RAB37: variants seen among roughly 807,000 people sequenced by gnomAD.
RAB37 encodes the protein ras-related protein Rab-37.
A neutral mutation model predicts 33.1 loss-of-function variants in RAB37; 29 were observed. The ratio of observed to expected loss-of-function variants is 0.88; its 90% CI spans 0.65 to 1.20. RAB37 has a LOEUF of 1.20. Among genes scored for constraint, RAB37 ranks in the 50% most tolerant of loss-of-function variants. The pLI, the probability that RAB37 is intolerant of heterozygous loss-of-function variation, is 0.00. For synonymous variants in RAB37, 128 were observed against 119.5 expected (o/e 1.07, Z -0.47); for missense variants, 299 against 301.1 (o/e 0.99, Z 0.05).
At position 74,684,899 on chromosome 17, in the gene RAB37, A is replaced by ATC. The variant is rs1567775529; in HGVS notation, c.72+13241_72+13242insTC. On this transcript the variant is annotated intron_variant, in intron 1 of 7. Coordinates refer to the RAB37 transcript ENST00000340415. The stretch of plus-strand genomic sequence containing the variant: ...TAGATAGATAGATAGATAGATAGAT[A>ATC]GATCCATCATAGGAATTTTGTTATA... Among the ~76,000 whole-genome samples, 3 of 148,092 alleles carry ATC rather than the reference A, an allele frequency of 2.0e-5. No individual in the cohort carries two copies. The East Asian group carries it at 5.9e-4, about 29-fold the overall frequency.
Position 74,729,216 on chromosome 17 carries a change from A to T in RAB37, c.73-40A>T. ...AAGGACACCTCTGAGGCCAACTCAC[A>T]TCACAGGCCCTCAGCTCTCTCTCTA... On this transcript the variant is annotated intron_variant, in intron 1 of 7. Transcript: ENST00000340415. This position sits in a 1 kb window ranked among gnomAD's most constrained non-coding sequence, Gnocchi z 4.2. 1.3e-6 allele frequency: 2 copies of T among 1,500,506 alleles called. No individual in the cohort carries two copies. The highest frequency in any genetic ancestry group is 2.2e-5 in the South Asian group (2 of 88,898). The allele number at this position is 1,500,506 out of a possible 1,614,324, so 92.9% of individuals were successfully genotyped here.
intron 1 of RAB37, 85 bp from the exon 2 acceptor site, chr17:74,740,683 T>C (rs974611626): frequency 7.1e-6 from 7 of 983,714 alleles, no homozygotes; most frequent in African/African-American, 3.2e-5. Flanking sequence ...CCCCCTCTTC[T>C]CTGATCCTCT....
At chr17:74,712,361 C>G (rs1039422389) in intron 1 of RAB37, among the ~76,000 whole-genome samples, 3 of 152,154 alleles carry the variant, frequency 2.0e-5, no homozygotes, top group Non-Finnish European at 4.4e-5. Context: ...TCCTTCTGCC[C>G]CAAATGCCTA....
intron 1 of RAB37, chr17:74,705,187 T>G (rs775872489): frequency 3.9e-4 from 274 of 697,510 alleles, no homozygotes; most frequent in Non-Finnish European, 5.6e-4. Flanking sequence ...AGGAGACCCC[T>G]TTCCACAGGG....
In RAB37 at chr17:74,740,841, C is replaced by G; in HGVS notation, c.167C>G (p.Ser56Cys). 2 of 1,614,090 alleles carry G rather than the reference C, an allele frequency of 1.2e-6. No individual in the cohort carries two copies. The highest frequency in any genetic ancestry group is 1.7e-6 in the Non-Finnish European group (2 of 1,179,954). Residue 56 changes from serine to cysteine, a missense_variant, in exon 2 of 9, where the codon TCC becomes TGC. By Grantham distance (112) the Ser-to-Cys change is moderately radical (BLOSUM62 -1). Transcript: ENST00000392613. Reference protein sequence around the residue: ...LIQFKDGAFLSGTFIATVGID... With the variant: ...LIQFKDGAFLCGTFIATVGID... ...CAATTCAAAGACGGGGCCTTCCTGT[C>G]CGGAACCTTCATAGCCACCGTCGGC...
chr17:74,671,688 C>A lies in RAB37; in HGVS notation c.72+30C>A. On this transcript the variant is annotated intron_variant, in intron 1 of 7. Coordinates refer to the RAB37 transcript ENST00000340415. The surrounding 1 kb of genome is among the most constrained non-coding windows in gnomAD (Gnocchi z 5.0). ...ACATCTCCTGTATTCCTCAACCTAA[C>A]GTTGGAAGAGGCGCCAGCACCAGGA... 6.2e-7 allele frequency: 1 copy of A among 1,605,866 alleles called. No individual in the cohort carries two copies. Among genetic ancestry groups the A allele is most frequent in the Non-Finnish European group, 8.5e-7 (1 of 1,172,538 alleles).
intron 1 of RAB37, chr17:74,696,111 T>C (rs1161190795): frequency 6.6e-7 from 1 of 1,511,958 alleles, no homozygotes; most frequent in Non-Finnish European, 8.9e-7. Context: ...TTCTCTGATA[T>C]TTTGGACCTT....
upstream of RAB37, among the ~76,000 whole-genome samples, chr17:74,735,184 GAGGA>G (rs1180837564): frequency 1.0e-4 from 14 of 137,492 alleles, no homozygotes; most frequent in South Asian, 2.6e-4. Flanking sequence ...GGGAGGGAGG[GAGGA>G]AGGAAGGAAG....
At chr17:74,737,246 G>A (rs773103960), upstream of RAB37, 6 of 1,546,072 alleles carry the variant, frequency 3.9e-6, 1 homozygote, top group South Asian at 5.9e-5. Context: ...CCTGCGGGCC[G>A]GCACTGCTCA....
At chr17:74,737,145 A>G, upstream of RAB37, 1 of 1,561,730 alleles carries the variant, frequency 6.4e-7, no homozygotes, top group Non-Finnish European at 8.7e-7. Context: ...CGAGGGGGCG[A>G]CGGGACGGAG....
intron 1 of RAB37, among the ~76,000 whole-genome samples, chr17:74,709,428 C>T (rs1323219070): frequency 6.6e-6 from 1 of 152,178 alleles, no homozygotes; most frequent in Non-Finnish European, 1.5e-5. Flanking sequence ...GCAAGCACCA[C>T]ACTTAGTGCG....
intron 2 of RAB37, among the ~76,000 whole-genome samples, chr17:74,731,974 C>G (rs959421556): frequency 6.6e-6 from 1 of 151,756 alleles, no homozygotes; most frequent in Admixed American, 6.6e-5. Context: ...CATGCCATTG[C>G]GCTACAGCCT....
intron 1 of RAB37, among the ~76,000 whole-genome samples, chr17:74,715,638 C>T (rs1456345274): frequency 2.6e-5 from 4 of 152,190 alleles, no homozygotes; most frequent in African/African-American, 9.7e-5. Context: ...AAGGAGGGAA[C>T]AGCACTGTCT....
chr17:74,738,371 C>T lies in RAB37; in HGVS notation c.93+1006C>T, dbSNP rs948365160. Among the ~76,000 whole-genome samples, 1 of 152,166 alleles carries T rather than the reference C, an allele frequency of 6.6e-6. No homozygotes were observed. The highest frequency in any genetic ancestry group is 6.5e-5 in the Admixed American group (1 of 15,276). Reference sequence around the variant, plus strand: ...CGCCCAGAGCCGTTGAGATAGGCGTCCTGTGTGGGCTTGTGGCAGGAAATG... The same window carrying T: ...CGCCCAGAGCCGTTGAGATAGGCGTTCTGTGTGGGCTTGTGGCAGGAAATG... On this transcript the variant is annotated intron_variant, in intron 1 of 8. Transcript: ENST00000392613. The surrounding 1 kb of genome is among the most constrained non-coding windows in gnomAD (Gnocchi z 5.0).
At position 74,700,746 on chromosome 17, in the gene RAB37, C is replaced by T. The variant is rs1327808701; in HGVS notation, c.73-28510C>T. ...CAGCATGGGTGACAGAGCAACACTC[C>T]GTCTCAAAACAAACAAACAACAAAA... On this transcript the variant is annotated intron_variant, in intron 1 of 7. Coordinates refer to the RAB37 transcript ENST00000340415. Among the ~76,000 whole-genome samples, 8 of 152,170 alleles carry T rather than the reference C, an allele frequency of 5.3e-5. No individual in the cohort carries two copies. The South Asian group carries it at 6.2e-4, about 12-fold the overall frequency.
chr17:74,702,997 G>T, intron 1 of RAB37: 2 of 1,529,230 alleles, frequency 1.3e-6, no homozygotes, highest in South Asian at 1.1e-5. Context: ...GGAGGAGTTT[G>T]GGCCAAGTAG....
chr17:74,671,412 C>T lies in RAB37; in HGVS notation c.-175C>T, dbSNP rs1298116705. On this transcript the variant is annotated 5_prime_UTR_variant, in exon 1 of 8. Transcript: ENST00000340415. The surrounding 1 kb of genome is among the most constrained non-coding windows in gnomAD (Gnocchi z 5.0). ...TCCTGGAAGAACGTGGCCGCCTGCC[C>T]GCCTGGTACCGCGCCGCGGCCGCTG... The T allele has an allele frequency of 8.2e-6, 5 of 612,290 alleles. No homozygotes were observed. The highest frequency in any genetic ancestry group is 2.9e-5 in the Admixed American group (1 of 33,926). 37.9% of individuals were successfully genotyped at this position (612,290 alleles called of 1,614,324 possible).
intron 1 of RAB37, among the ~76,000 whole-genome samples, chr17:74,717,218 G>A (rs1598301765): frequency 6.6e-6 from 1 of 152,170 alleles, no homozygotes. Flanking sequence ...TATTAAGCAG[G>A]TAACTGATAC....
At position 74,671,603 on chromosome 17, in the gene RAB37, C is replaced by T. The variant is rs1408822726; in HGVS notation, c.17C>T (p.Pro6Leu). The change falls in exon 1 of 8, where the codon CCC (proline) becomes CTC (leucine). Residue 6 changes from proline (P) to leucine (L), a missense_variant. Transcript: ENST00000340415. This position sits in a 1 kb window ranked among gnomAD's most constrained non-coding sequence, Gnocchi z 5.0. ...AAGCCTGGCATGGACCTGCAGAGAC[C>T]CGATTCCTACCAGGGAGGAGCTGGC... The T allele has an allele frequency of 6.2e-7, 1 of 1,614,100 alleles. No homozygotes were observed. Among genetic ancestry groups the T allele is most frequent in the African/African-American group, 1.3e-5 (1 of 74,940 alleles).
Sources: allele counts gnomAD v4.1 joint callset (sites outside exome capture counted in the v4.1 genomes callset), GRCh38; gene constraint gnomAD v4.1.1; non-coding constraint Gnocchi (gnomAD v3.1); transcripts MANE v1.5; gene names NCBI Gene and HGNC (gene_info 2026-07-23, HGNC 2026-07-21).